Variants in MGAT4C observed in about 807,000 individuals in gnomAD.
MGAT4C encodes the protein alpha-1,3-mannosyl-glycoprotein 4-beta-N-acetylglucosaminyltransferase C.
MGAT4C carries 19 observed loss-of-function variants against 40.1 expected under a neutral mutation model. The observed-to-expected ratio is 0.47, with a 90% CI of 0.33 to 0.70. The LOEUF (loss-of-function observed/expected upper bound fraction) is 0.70, where lower values mean the gene tolerates loss of function less well. Ranked by LOEUF, MGAT4C falls within the 30% of genes least tolerant of loss-of-function variation. The probability of loss-of-function intolerance (pLI) is 0.02; values close to 1 mark genes in which losing one functional copy is unlikely to be tolerated. For missense variants in MGAT4C, 491 were observed against 563.2 expected (o/e 0.87, Z 1.30); for synonymous variants, 181 against 187.1 (o/e 0.97, Z 0.27).
rs1394522944 is a variant in MGAT4C, at chr12:85,962,999, A to C, written c.*16290T>G. On this transcript the variant is annotated 3_prime_UTR_variant, in exon 5 of 5. Coordinates refer to ENST00000611864, the MANE Select transcript of MGAT4C (RefSeq NM_001351288.2). Reference sequence around the variant, plus strand: ...CTAGAGTTCAAACACTGATCTTTTTAAGTGGCAAATTGTCCAAAAGAATTT... The same window carrying C: ...CTAGAGTTCAAACACTGATCTTTTTCAGTGGCAAATTGTCCAAAAGAATTT... The C allele has an allele frequency of 6.6e-6, 1 of 151,812 alleles. No individual in the cohort carries two copies. The highest frequency in any genetic ancestry group is 6.6e-5 in the Admixed American group (1 of 15,226). 9.4% of individuals were successfully genotyped at this position (151,812 alleles called of 1,614,324 possible).
chr12:86,059,374 T>C (rs1335731566), intron 1 of MGAT4C, among the ~76,000 whole-genome samples: 2 of 152,178 alleles, frequency 1.3e-5, no homozygotes, highest in African/African-American at 4.8e-5. Flanking sequence ...ACACTAGCCC[T>C]TTCTTCATCA....
chr12:86,004,536 G>A (rs1175719003), intron 2 of MGAT4C, among the ~76,000 whole-genome samples: 1 of 152,138 alleles, frequency 6.6e-6, no homozygotes, highest in African/African-American at 2.4e-5. Context: ...TCATGATGGT[G>A]TTGATTAATT....
At chr12:86,022,283 T>A (rs1290199105) in intron 2 of MGAT4C, among the ~76,000 whole-genome samples, 2 of 152,240 alleles carry the variant, frequency 1.3e-5, no homozygotes, top group Non-Finnish European at 2.9e-5. Flanking sequence ...GAAGAATTTT[T>A]AAAAAACATT....
chr12:85,987,303 A>AT (rs1229285040), intron 3 of MGAT4C, among the ~76,000 whole-genome samples: 3 of 150,340 alleles, frequency 2.0e-5, no homozygotes, highest in Non-Finnish European at 3.0e-5. Flanking sequence ...CGCCCGGCTA[A>AT]TTTTTTTGTA....
In MGAT4C at chr12:86,737,435, C is replaced by G. The variant is rs796521397; in HGVS notation, c.-261-10194G>C. 1.2e-4 allele frequency among the ~76,000 whole-genome samples: 17 copies of G among 146,352 alleles called. 1 individual carries two copies. Among genetic ancestry groups the G allele is most frequent in the African/African-American group, 4.3e-4 (17 of 39,970 alleles). On this transcript the variant is annotated intron_variant, in intron 1 of 7. Coordinates refer to the MGAT4C transcript ENST00000548651. ...TTGCTGACTACTTTTCCTCAGTCTA[C>G]TTTTTTCTTAAATAATCTAGAAAAC...
intron 2 of MGAT4C, among the ~76,000 whole-genome samples, chr12:86,521,044 C>A (rs1250597278): frequency 1.3e-5 from 2 of 152,204 alleles, no homozygotes; most frequent in South Asian, 2.1e-4. Context: ...TAGATAGTTT[C>A]TTTTGCTGTG....
At chr12:86,348,304 T>G (rs1955083549) in intron 3 of MGAT4C, among the ~76,000 whole-genome samples, 1 of 152,156 alleles carries the variant, frequency 6.6e-6, no homozygotes, top group Non-Finnish European at 1.5e-5. Flanking sequence ...TTTCTTCATT[T>G]TAAAAAATAG....
rs568184442 is a variant in MGAT4C, at chr12:86,527,745, T to C, written c.-228-92480A>G. On this transcript the variant is annotated intron_variant, in intron 2 of 7. Coordinates refer to the MGAT4C transcript ENST00000548651. ...TGGATTAATTTCTAGTTATTTTATATTGTTTGTAGCTATTATAAATGGGAT... is the reference window on the plus strand; with the variant it reads ...TGGATTAATTTCTAGTTATTTTATACTGTTTGTAGCTATTATAAATGGGAT... Among the ~76,000 whole-genome samples, 49 of 152,340 alleles carry C rather than the reference T, an allele frequency of 3.2e-4. 1 individual carries two copies. In the South Asian group the frequency reaches 9.9e-3, roughly 31 times the overall value.
intron 1 of MGAT4C, among the ~76,000 whole-genome samples, chr12:86,094,143 G>T (rs1417601055): frequency 6.6e-6 from 1 of 152,080 alleles, no homozygotes; most frequent in Non-Finnish European, 1.5e-5. Flanking sequence ...ATGAAATATT[G>T]TGTGAATCAT....
intron 2 of MGAT4C, among the ~76,000 whole-genome samples, chr12:86,606,992 A>C (rs1962066573): frequency 6.6e-6 from 1 of 152,122 alleles, no homozygotes; most frequent in East Asian, 1.9e-4. Flanking sequence ...CTGTGTATAA[A>C]ATTTATCTTC....
chr12:86,476,792 C>T (rs955083309), intron 2 of MGAT4C, among the ~76,000 whole-genome samples: 4 of 152,038 alleles, frequency 2.6e-5, no homozygotes, highest in East Asian at 1.9e-4. Flanking sequence ...ATGGATGGAA[C>T]TGGAGGACAC....
intron 1 of MGAT4C, among the ~76,000 whole-genome samples, chr12:86,118,214 G>A (rs1372533578): frequency 1.3e-5 from 2 of 152,080 alleles, no homozygotes; most frequent in Non-Finnish European, 2.9e-5. Flanking sequence ...ACTCTTTTAT[G>A]AGCCTTTGAA....
intron 1 of MGAT4C, among the ~76,000 whole-genome samples, chr12:86,816,126 G>A (rs1053892273): frequency 4.0e-5 from 6 of 151,734 alleles, no homozygotes; most frequent in Non-Finnish European, 5.9e-5. Context: ...ATTTTAAAGG[G>A]CCTGCTTTTA....
intron 2 of MGAT4C, among the ~76,000 whole-genome samples, chr12:86,043,354 G>A (rs570895946): frequency 7.9e-5 from 12 of 152,300 alleles, no homozygotes; most frequent in African/African-American, 2.9e-4. Flanking sequence ...TTCAGTCTGT[G>A]ACAGAAGGCC....
At chr12:86,048,295 A>G (rs1892592976) in intron 2 of MGAT4C, among the ~76,000 whole-genome samples, 4 of 152,050 alleles carry the variant, frequency 2.6e-5, no homozygotes, top group Non-Finnish European at 1.5e-5. Context: ...AGCAACAGAC[A>G]CCAGGGACTA....
chr12:86,033,170 A>G (rs905021271), intron 2 of MGAT4C, among the ~76,000 whole-genome samples: 2 of 117,928 alleles, frequency 1.7e-5, no homozygotes, highest in Admixed American at 8.0e-5. Context: ...CTCTATCCCT[A>G]TAAGTATAGT....
At chr12:86,012,339 A>G (rs1372392464) in intron 2 of MGAT4C, among the ~76,000 whole-genome samples, 1 of 152,222 alleles carries the variant, frequency 6.6e-6, no homozygotes, top group African/African-American at 2.4e-5. Flanking sequence ...AAGCAAGGCT[A>G]TAACAATATC....
chr12:86,042,075 T>G (rs143650337), intron 2 of MGAT4C, among the ~76,000 whole-genome samples: 9 of 152,370 alleles, frequency 5.9e-5, no homozygotes, highest in African/African-American at 1.9e-4. Context: ...TACGCTTCTT[T>G]GTCTTTTTTG....
intron 2 of MGAT4C, among the ~76,000 whole-genome samples, chr12:86,695,362 A>G (rs919254000): frequency 6.6e-6 from 1 of 152,162 alleles, no homozygotes; most frequent in African/African-American, 2.4e-5. Context: ...CAGTTTGGAG[A>G]TTCCTCAAAA....
Sources: allele counts gnomAD v4.1 joint callset (sites outside exome capture counted in the v4.1 genomes callset), GRCh38; gene constraint gnomAD v4.1.1; transcripts MANE v1.5; gene names NCBI Gene and HGNC (gene_info 2026-07-23, HGNC 2026-07-21).